The following BMS1 variants were observed in gnomAD, a reference collection of about 807,000 sequenced individuals.
BMS1 encodes BMS1 ribosome biogenesis factor.
Under a neutral mutation model 138.7 loss-of-function variants are expected in BMS1, and 53 were observed. The observed-to-expected ratio is 0.38, with a 90% CI of 0.31 to 0.48. The LOEUF is 0.48. Ranked by LOEUF, BMS1 falls within the 20% of genes least tolerant of loss-of-function variation. The pLI is 0.97. For missense variants in BMS1, 1,360 were observed against 1,565.5 expected, an observed-to-expected ratio of 0.87 and a Z score of 2.22; for synonymous variants, 504 against 539.9, an observed-to-expected ratio of 0.93 and a Z score of 0.92.
chr10:42,800,814 A>C (rs900965427), intron 12 of BMS1, among the ~76,000 whole-genome samples: 1 of 152,316 alleles, frequency 6.6e-6, no homozygotes, highest in African/African-American at 2.4e-5. Flanking sequence ...GGTGTGAGCC[A>C]CTGCACCCAG....
chr10:42,831,265 G>A lies in BMS1; in HGVS notation c.*169G>A, dbSNP rs1842795039. On this transcript the variant is annotated 3_prime_UTR_variant, in exon 23 of 23. Transcript: ENST00000374518. ...AGAGAAGCCTGGGCTGCTGGGACTG[G>A]GTTCATTCTCATGACTTGGGGCTGT... 5 of 701,086 alleles carry A rather than the reference G, an allele frequency of 7.1e-6. No homozygotes were observed. The highest frequency in any genetic ancestry group is 4.1e-4 in the Middle Eastern group (1 of 2,426). 43.4% of individuals were successfully genotyped at this position (701,086 alleles called of 1,614,324 possible). A position where few individuals can be genotyped will look rare whatever the true frequency, so the allele number is the denominator to read the frequency against.
chr10:42,821,542 CTTTTTTTTT>C (rs34272995), intron 18 of BMS1, among the ~76,000 whole-genome samples: 2 of 68,594 alleles, frequency 2.9e-5, no homozygotes, highest in African/African-American at 1.2e-4. Flanking sequence ...CTCAAGGCGC[CTTTTTTTTT>C]TTTTTTTTTT....
intron 7 of BMS1, 69 bp from the exon 8 acceptor site, chr10:42,792,888 C>T (rs1401927944): frequency 6.6e-7 from 1 of 1,510,374 alleles, no homozygotes; most frequent in Non-Finnish European, 9.0e-7. Context: ...CATATTTAAC[C>T]CCCTAGTCAA....
chr10:42,820,917 T>C lies in BMS1; in HGVS notation c.2951-17T>C. On this transcript the variant is annotated splice_polypyrimidine_tract_variant and intron_variant, in intron 17 of 22. Transcript: ENST00000374518. The stretch of plus-strand genomic sequence containing the variant: ...ATTTGTGGTTCGCTATATTTCTTTT[T>C]TTCCTTTTCCTTTAAGGCCCTATCA... 2.5e-6 allele frequency: 4 copies of C among 1,603,014 alleles called. No individual in the cohort carries two copies. The highest frequency in any genetic ancestry group is 1.7e-5 in the Admixed American group (1 of 59,794).
At chr10:42,824,785 A>C (rs1033203986) in intron 21 of BMS1, among the ~76,000 whole-genome samples, 1 of 152,184 alleles carries the variant, frequency 6.6e-6, no homozygotes, top group African/African-American at 2.4e-5. Context: ...CTTATCAAAA[A>C]TTAGTTGACA....
chr10:42,827,386 A>C (rs551796396), intron 21 of BMS1, among the ~76,000 whole-genome samples: 1 of 152,330 alleles, frequency 6.6e-6, no homozygotes, highest in South Asian at 2.1e-4. Context: ...AGCTCAGTGT[A>C]ACAGTGGCCC....
chr10:42,790,129 T>A (rs1375313362), intron 4 of BMS1, among the ~76,000 whole-genome samples, 194 bp from the exon 5 acceptor site: 4 of 152,250 alleles, frequency 2.6e-5, no homozygotes, highest in Admixed American at 2.6e-4. Context: ...CTTCTGCAGC[T>A]ACTTAGCTCT....
Position 42,796,919 on chromosome 10 carries a change from G to C in BMS1, c.1675G>C (p.Asp559His). Residue 559 changes from aspartate (D) to histidine (H), a missense_variant, in exon 10 of 23, where the codon GAC becomes CAC. Asp to His is a moderately conservative substitution (Grantham distance 81). This residue lies in a region of BMS1 where 697 missense variants were observed against 686.2 expected (regional missense o/e 1.02). Coordinates refer to ENST00000374518, the MANE Select transcript of BMS1 (RefSeq NM_014753.4). ...GCTGTCACCAGCTAATTGCCAGAGT[G>C]ACCGTGTGAATCTGGAGAAGTCTTT... ...AGLSPANCQS[D>H]RVNLEKSLLM... The C allele has an allele frequency of 6.2e-7, 1 of 1,614,210 alleles. No individual in the cohort carries two copies. The highest frequency in any genetic ancestry group is 8.5e-7 in the Non-Finnish European group (1 of 1,180,042).
chr10:42,822,834 T>A (rs1294890641), intron 19 of BMS1, among the ~76,000 whole-genome samples: 1 of 152,218 alleles, frequency 6.6e-6, no homozygotes, highest in Non-Finnish European at 1.5e-5. Flanking sequence ...AAAGGCTGCC[T>A]AGGCCAGTTC....
Position 42,793,924 on chromosome 10 carries a change from G to A in BMS1, c.1162G>A (p.Ala388Thr). Residue 388 changes from alanine (A) to threonine (T), a missense_variant, in exon 9 of 23, where the codon GCT (alanine) becomes ACT (threonine). By Grantham distance (58) the Ala-to-Thr change is moderately conservative. Around this residue, in one of 3 missense-constraint regions of BMS1, gnomAD observed 697 missense variants for 686.2 expected, o/e 1.02. Transcript: ENST00000374518. ...STHSTIDAKM[A>T]SSRVTLFSDS... Reference sequence around the variant, plus strand: ...CCACTCCACCATTGATGCCAAGATGGCTTCAAGTCGAGTGACGCTGTTTTC... The same window carrying A: ...CCACTCCACCATTGATGCCAAGATGACTTCAAGTCGAGTGACGCTGTTTTC... 1 of 1,611,826 alleles carries A rather than the reference G, an allele frequency of 6.2e-7. No homozygotes were observed. The highest frequency in any genetic ancestry group is 1.1e-5 in the South Asian group (1 of 90,972).
intron 13 of BMS1, among the ~76,000 whole-genome samples, chr10:42,810,535 GTCCCCTATTCTGTTTTC>G (rs1842142063): frequency 6.6e-6 from 1 of 152,146 alleles, no homozygotes; most frequent in African/African-American, 2.4e-5. Flanking sequence ...GTTGCAAAGT[GTCCCCTATTCTGTTTTC>G]TGGAAGAGTT....
chr10:42,804,191 T>G (rs2142985), intron 13 of BMS1, among the ~76,000 whole-genome samples: 1 of 152,026 alleles, frequency 6.6e-6, no homozygotes, highest in African/African-American at 2.4e-5. Flanking sequence ...CTGCTATGAA[T>G]GTTTTTTAGA....
At chr10:42,795,975 G>A (rs1416867912) in intron 9 of BMS1, among the ~76,000 whole-genome samples, 1 of 152,158 alleles carries the variant, frequency 6.6e-6, no homozygotes, top group Admixed American at 6.5e-5. Context: ...TGCTGGCCCA[G>A]ATTTGGCTGC....
In BMS1 at chr10:42,833,183, G is replaced by A. The variant is rs1941343615; in HGVS notation, c.*2087G>A. 6.6e-6 allele frequency: 1 copy of A among 152,214 alleles called. No homozygotes were observed. The allele number at this position is 152,214 out of a possible 1,614,324, so 9.4% of individuals were successfully genotyped here. ...ATGTATGTAGGCAGAACTCATACCT[G>A]TTAATATTAAAAATCTTGGTTTATC... On this transcript the variant is annotated 3_prime_UTR_variant, in exon 23 of 23. Transcript: ENST00000374518.
Position 42,792,945 on chromosome 10 carries a change from T to C in BMS1, c.902-12T>C. The C allele has an allele frequency of 2.5e-6, 4 of 1,603,030 alleles. 1 individual carries two copies. The South Asian group carries it at 4.5e-5, about 18-fold the overall frequency. ...TGTCAGCTGAAGCTGGCTTTTGGGT[T>C]CTGTCTTCCAGGGGTAGGAGATTTT... On this transcript the variant is annotated splice_polypyrimidine_tract_variant and intron_variant, in intron 7 of 22. Coordinates refer to ENST00000374518, the MANE Select transcript of BMS1 (RefSeq NM_014753.4).
In BMS1 at chr10:42,802,097, A is replaced by G; in HGVS notation, c.2248-40A>G. On this transcript the variant is annotated intron_variant, in intron 12 of 22. Transcript: ENST00000374518. ...TTTCTTAGAGTTGTTTTGCTGAGTG[A>G]TTGGAACACCTCACCTAAGTGCTGA... 6 of 1,542,422 alleles carry G rather than the reference A, an allele frequency of 3.9e-6. No individual in the cohort carries two copies. The South Asian group carries it at 4.8e-5, about 12-fold the overall frequency.
chr10:42,821,040 T>A (rs1842491135), intron 18 of BMS1, 48 bp downstream of exon 18: 1 of 1,431,990 alleles, frequency 7.0e-7, no homozygotes, highest in Admixed American at 1.7e-5. Context: ...GAGAAATATA[T>A]CCTGGGTGTG....
In BMS1 at chr10:42,830,314, G is replaced by A; in HGVS notation, c.3510G>A (p.Leu1170=). ...ATTCACTGCACATTCCAAAAGCCTT[G>A]CAGAAGGCCCTGCCATTTAAGAACA... The part of the protein sequence containing the change: ...HFNSLHIPKA[L]QKALPFKNKP... Residue 1170 remains leucine, a synonymous_variant, in exon 22 of 23, where the codon TTG becomes TTA. Coordinates refer to ENST00000374518, the MANE Select transcript of BMS1 (RefSeq NM_014753.4). 6.2e-7 allele frequency: 1 copy of A among 1,613,984 alleles called. No individual in the cohort carries two copies. Among genetic ancestry groups the A allele is most frequent in the Non-Finnish European group, 8.5e-7 (1 of 1,179,996 alleles).
intron 5 of BMS1, among the ~76,000 whole-genome samples, chr10:42,790,810 A>T (rs1474627399): frequency 1.3e-5 from 2 of 152,102 alleles, no homozygotes; most frequent in Non-Finnish European, 2.9e-5. Context: ...AGATCACGCC[A>T]CTGCACTCCA....
Sources: gnomAD v4.1 joint callset for allele counts (sites outside exome capture counted in the v4.1 genomes callset) on GRCh38, gnomAD v4.1.1 for gene constraint, gnomAD v4.1.1 regional missense constraint, MANE v1.5 for transcripts, NCBI Gene and HGNC (gene_info 2026-07-23, HGNC 2026-07-21) for gene names.